KANSL1: variants seen among roughly 807,000 people sequenced by gnomAD.
The protein encoded by KANSL1 is KAT8 regulatory NSL complex subunit 1.
Under a neutral mutation model 103.6 loss-of-function variants are expected in KANSL1, and 22 were observed. The observed-to-expected ratio is 0.21, with a 90% CI of 0.15 to 0.30. The LOEUF is 0.30. KANSL1 is among the 10% of genes least tolerant of loss of function. KANSL1 has a pLI of 1.00. For missense variants in KANSL1, 1,337 were observed against 1,399.8 expected (o/e 0.96, Z 0.72); for synonymous variants, 600 against 527.6 (o/e 1.14, Z -1.88).
At chr17:46,089,751 T>C (rs2079309537) in intron 3 of KANSL1, among the ~76,000 whole-genome samples, 1 of 152,358 alleles carries the variant, frequency 6.6e-6, no homozygotes, top group Middle Eastern at 3.4e-3. Context: ...TGCACTCACT[T>C]GGATGTGTAA....
chr17:46,185,598 C>CA (rs143661996), intron 1 of KANSL1, among the ~76,000 whole-genome samples: 18,254 of 140,998 alleles, frequency 0.13, 23 homozygotes, highest in Middle Eastern at 0.2. Flanking sequence ...AACTGGAATA[C>CA]AAAAAAAAAA....
chr17:46,112,030 C>T (rs2042831542), intron 2 of KANSL1, among the ~76,000 whole-genome samples: 1 of 152,114 alleles, frequency 6.6e-6, no homozygotes, highest in South Asian at 2.1e-4. Context: ...AGGAGAATGG[C>T]TGAGTATATT....
intron 2 of KANSL1, among the ~76,000 whole-genome samples, chr17:46,134,288 T>C (rs2044011696): frequency 6.6e-6 from 1 of 152,066 alleles, no homozygotes. Flanking sequence ...TCCCAGCTAC[T>C]GGGGAGGCTG....
rs1041479241 is a variant in KANSL1 at position 46,171,820 on chromosome 17, A to G, written c.324T>C (p.Leu108=). 32 of 1,614,064 alleles carry G rather than the reference A, an allele frequency of 2.0e-5. No individual in the cohort carries two copies. Among genetic ancestry groups the G allele is most frequent in the Non-Finnish European group, 2.7e-5 (32 of 1,180,002 alleles). ...ACTGAGATAAGAGAGGATGAGATTT[A>G]AGGACTGTCTGCTTGCTGAAGACCC... ...LQGVFSKQTV[L]KSHPLLSQSY... is the part of the protein sequence containing the mutation. The change falls in exon 2 of 15, where the codon CTT becomes CTC. Residue 108 remains leucine (L), a synonymous_variant. Transcript: ENST00000432791.
intron 6 of KANSL1, among the ~76,000 whole-genome samples, chr17:46,051,540 T>G (rs2077711771): frequency 6.6e-6 from 1 of 152,238 alleles, no homozygotes; most frequent in African/African-American, 2.4e-5. Flanking sequence ...TTTTATACTT[T>G]GAGCAAATTT....
chr17:46,170,776 CTCTCCA>C (rs2046242151), intron 2 of KANSL1, 73 bp downstream of exon 2: 1 of 1,411,086 alleles, frequency 7.1e-7, no homozygotes, highest in African/African-American at 1.5e-5. Flanking sequence ...GAATCACATT[CTCTCCA>C]TAATGGCGAT....
chr17:46,196,547 G>A (rs1374253648), upstream of KANSL1: 5 of 414,534 alleles, frequency 1.2e-5, no homozygotes, highest in East Asian at 3.6e-4. Context: ...CAACATCAAA[G>A]GGAATAGAGA....
At chr17:46,140,182 G>C (rs888100235) in intron 2 of KANSL1, among the ~76,000 whole-genome samples, 1 of 151,960 alleles carries the variant, frequency 6.6e-6, no homozygotes, top group South Asian at 2.1e-4. Flanking sequence ...CAGATATCTG[G>C]AAAATAAAGA....
rs1478673702 is a variant in KANSL1 at position 46,062,113 on chromosome 17, AC to A, written c.1848+4423del. On this transcript the variant is annotated intron_variant, in intron 6 of 14. Coordinates refer to ENST00000432791, the MANE Select transcript of KANSL1 (RefSeq NM_015443.4). Reference sequence around the variant, plus strand: ...ACTCAAAAAAAAAAAAAAAAAACAAACAAACAAAAAAAAAAAAAAAACATGT... The same window carrying A: ...ACTCAAAAAAAAAAAAAAAAAACAAAAAACAAAAAAAAAAAAAAAACATGT... Among the ~76,000 whole-genome samples the A allele has an allele frequency of 1.5e-3, 53 of 36,132 alleles. 2 individuals carry two copies. Among genetic ancestry groups the A allele is most frequent in the African/African-American group, 2.2e-3 (25 of 11,160 alleles). 23.7% of individuals were successfully genotyped at this position (36,132 alleles called of 152,430 possible).
chr17:46,055,610 G>T (rs972230950), intron 6 of KANSL1, among the ~76,000 whole-genome samples: 4 of 152,066 alleles, frequency 2.6e-5, no homozygotes, highest in Non-Finnish European at 5.9e-5. Flanking sequence ...TAGACTTGAG[G>T]GGGGAGGGGA....
intron 1 of KANSL1, among the ~76,000 whole-genome samples, chr17:46,203,448 A>C (rs1236351814): frequency 6.6e-6 from 1 of 152,228 alleles, no homozygotes; most frequent in Non-Finnish European, 1.5e-5. Flanking sequence ...ACCCTATAAA[A>C]GCCCTACCAT....
intron 6 of KANSL1, among the ~76,000 whole-genome samples, chr17:46,062,355 CTTTTTTTT>C (rs34577730): frequency 1.0e-5 from 1 of 95,470 alleles, no homozygotes; most frequent in African/African-American, 4.1e-5. Context: ...ATAACAACAG[CTTTTTTTT>C]TTTTTTTTTT....
At chr17:46,121,168 C>T (rs1276822983) in intron 2 of KANSL1, among the ~76,000 whole-genome samples, 1 of 150,770 alleles carries the variant, frequency 6.6e-6, no homozygotes, top group East Asian at 2.1e-4. Context: ...ATTATAGTAG[C>T]CCCCTAACTC....
intron 1 of KANSL1, among the ~76,000 whole-genome samples, chr17:46,212,125 T>C (rs905002917): frequency 2.6e-5 from 4 of 152,244 alleles, no homozygotes; most frequent in Non-Finnish European, 5.9e-5. Flanking sequence ...CTAGAACATA[T>C]ATACATTCCT....
At chr17:46,065,774 A>T (rs1003107006) in intron 6 of KANSL1, among the ~76,000 whole-genome samples, 3 of 152,228 alleles carry the variant, frequency 2.0e-5, no homozygotes, top group African/African-American at 7.2e-5. Context: ...AAGAGTCAGC[A>T]ATCTAAAATT....
At position 46,105,949 on chromosome 17, in the gene KANSL1, C is replaced by CACACACACACACA. The variant is rs1567680988; in HGVS notation, c.1290-11249_1290-11248insTGTGTGTGTGTGT. ...CACACACACACACACACACACACAC[C>CACACACACACACA]CCCCCAGAAGGGTGAAGGAGCAGAA... On this transcript the variant is annotated intron_variant, in intron 2 of 14. Transcript: ENST00000432791. Among the ~76,000 whole-genome samples, 298 of 49,246 alleles carry CACACACACACACA rather than the reference C, an allele frequency of 6.1e-3. 3 individuals are homozygous for CACACACACACACA. Among genetic ancestry groups the CACACACACACACA allele is most frequent in the African/African-American group, 0.017 (260 of 15,512 alleles). The allele number at this position is 49,246 out of a possible 152,430, so 32.3% of individuals were successfully genotyped here.
At chr17:46,130,900 T>C (rs1345683686) in intron 2 of KANSL1, among the ~76,000 whole-genome samples, 1 of 152,230 alleles carries the variant, frequency 6.6e-6, no homozygotes, top group Non-Finnish European at 1.5e-5. Context: ...CAGTCCTCAC[T>C]GTAAAATAAA....
At chr17:46,096,307 TTTTC>T (rs1200033659) in intron 2 of KANSL1, among the ~76,000 whole-genome samples, 1 of 124,702 alleles carries the variant, frequency 8.0e-6, no homozygotes, top group Non-Finnish European at 1.6e-5. Context: ...CCTGGCTTTT[TTTTC>T]TTTTTTTTTT....
At chr17:46,175,244 T>C (rs976089528) in intron 1 of KANSL1, among the ~76,000 whole-genome samples, 1 of 151,714 alleles carries the variant, frequency 6.6e-6, no homozygotes, top group African/African-American at 2.4e-5. Context: ...AATACTCAAA[T>C]AAATGACTGA....
Sources: allele counts gnomAD v4.1 joint callset (sites outside exome capture counted in the v4.1 genomes callset), GRCh38; gene constraint gnomAD v4.1.1; transcripts MANE v1.5; gene names NCBI Gene and HGNC (gene_info 2026-07-23, HGNC 2026-07-21).